The following GRTP1 variants were observed in gnomAD, a reference collection of about 807,000 sequenced individuals.
GRTP1 encodes growth hormone-regulated TBC protein 1.
Under a neutral mutation model 38.1 loss-of-function variants are expected in GRTP1, and 56 were observed. The ratio of observed to expected loss-of-function variants is 1.47; its 90% CI spans 1.19 to 1.84. The LOEUF (loss-of-function observed/expected upper bound fraction) is 1.84. Among genes scored for constraint, GRTP1 ranks in the 40% most tolerant of loss-of-function variants. The pLI is 0.00. For synonymous variants in GRTP1, 217 were observed against 189.5 expected (o/e 1.14, Z -1.19); for missense variants, 506 against 453.9 (o/e 1.11, Z -1.04).
intron 3 of GRTP1, among the ~76,000 whole-genome samples, chr13:113,353,262 G>C (rs959731942): frequency 5.3e-5 from 8 of 152,246 alleles, no homozygotes; most frequent in African/African-American, 1.9e-4. Context: ...CCACACTCTG[G>C]GTAGGAACCC....
chr13:113,350,540 A>G (rs2043244269), intron 4 of GRTP1, among the ~76,000 whole-genome samples: 1 of 147,946 alleles, frequency 6.8e-6, no homozygotes, highest in Non-Finnish European at 1.5e-5. Context: ...CACACACCCC[A>G]CAGCACACAC....
chr13:113,341,617 C>T (rs1487840918), intron 5 of GRTP1, among the ~76,000 whole-genome samples: 2 of 152,078 alleles, frequency 1.3e-5, no homozygotes, highest in African/African-American at 4.8e-5. Flanking sequence ...TATCAGTTTT[C>T]CCAAAGAACC....
chr13:113,350,933 C>T lies in GRTP1; in HGVS notation c.381G>A (p.Lys127=). The T allele has an allele frequency of 1.2e-6, 2 of 1,613,754 alleles. No homozygotes were observed. Among genetic ancestry groups the T allele is most frequent in the Non-Finnish European group, 1.7e-6 (2 of 1,179,680 alleles). ...TCCTCTGTAAGCAGGGGTCCGTGGT[C>T]TTCCGGAACTTCACGTTGTCGGGGA... ...RTFPDNVKFR[K]TTDPCLQRTL... Residue 127 remains lysine, a synonymous_variant, in exon 4 of 8, where the codon AAG becomes AAA. Transcript: ENST00000375431.
intron 5 of GRTP1, among the ~76,000 whole-genome samples, chr13:113,333,802 CTTTATTTATTTA>C (rs374558438): frequency 4.8e-5 from 6 of 124,900 alleles, no homozygotes; most frequent in African/African-American, 7.0e-5. Flanking sequence ...AGTGCCTGTA[CTTTATTTATTTA>C]TTTATTTATT....
intron 2 of GRTP1, among the ~76,000 whole-genome samples, chr13:113,358,305 G>A (rs2043433285): frequency 6.6e-6 from 1 of 152,174 alleles, no homozygotes; most frequent in Non-Finnish European, 1.5e-5. Flanking sequence ...AATACTGAAT[G>A]CTGCAAAAGC....
At chr13:113,331,132 A>G (rs2042864748) in intron 5 of GRTP1, among the ~76,000 whole-genome samples, 1 of 151,996 alleles carries the variant, frequency 6.6e-6, no homozygotes, top group South Asian at 2.1e-4. Flanking sequence ...ACGAAAGCCT[A>G]GGTGTGTGCA....
At chr13:113,352,328 A>G (rs1277689008) in intron 3 of GRTP1, among the ~76,000 whole-genome samples, 1 of 73,876 alleles carries the variant, frequency 1.4e-5, no homozygotes, top group Non-Finnish European at 2.5e-5. Context: ...ATATATTTTT[A>G]TATATATTTT....
At chr13:113,346,239 A>T (rs1566429668) in intron 4 of GRTP1, among the ~76,000 whole-genome samples, 1 of 134,930 alleles carries the variant, frequency 7.4e-6, no homozygotes, top group African/African-American at 2.9e-5. Flanking sequence ...CAGACCCGGG[A>T]GGACCTCTGT....
intron 5 of GRTP1, among the ~76,000 whole-genome samples, chr13:113,335,535 G>A (rs2042943581): frequency 6.6e-6 from 1 of 152,086 alleles, no homozygotes; most frequent in Non-Finnish European, 1.5e-5. Context: ...ACATGTTACT[G>A]TTACCTATAG....
At chr13:113,325,429 C>T in intron 7 of GRTP1, 2 of 1,443,644 alleles carry the variant, frequency 1.4e-6, no homozygotes, top group Non-Finnish European at 1.8e-6. Context: ...CCATTAGGAC[C>T]AGGAGCAGCG....
In GRTP1 at chr13:113,325,992, C is replaced by G. The variant is rs373647513; in HGVS notation, c.662G>C (p.Arg221Pro). The G allele has an allele frequency of 1.9e-6, 3 of 1,613,760 alleles. No individual in the cohort carries two copies. Among genetic ancestry groups the G allele is most frequent in the Non-Finnish European group, 1.7e-6 (2 of 1,179,964 alleles). The part of the protein sequence containing the change: ...KLPAVGALME[R>P]LGVLWTLLVS... ...CAGCAGCGTCCACAGCACACCGAGA[C>G]GCTCCATCAGGGCCCCCACAGCCGG... Residue 221 changes from arginine (R) to proline (P), a missense_variant, in exon 6 of 8, where the codon CGT becomes CCT. By Grantham distance (103) the Arg-to-Pro change is moderately radical (BLOSUM62 -2). Transcript: ENST00000375431.
chr13:113,333,190 A>G (rs1461312775), intron 5 of GRTP1, among the ~76,000 whole-genome samples: 1 of 152,214 alleles, frequency 6.6e-6, no homozygotes, highest in Non-Finnish European at 1.5e-5. Flanking sequence ...TGGCTTACCC[A>G]AGTGCTTGGA....
intron 2 of GRTP1, chr13:113,361,806 C>A (rs942702820): frequency 1.3e-5 from 2 of 152,184 alleles, no homozygotes; most frequent in African/African-American, 4.8e-5. Flanking sequence ...TTTAAGTTCA[C>A]ATGTCTTATA....
At chr13:113,331,337 GC>G (rs1437938552) in intron 5 of GRTP1, among the ~76,000 whole-genome samples, 1 of 152,202 alleles carries the variant, frequency 6.6e-6, no homozygotes, top group Non-Finnish European at 1.5e-5. Flanking sequence ...CTCAGGGGCG[GC>G]TGCTACCAGG....
intron 5 of GRTP1, among the ~76,000 whole-genome samples, chr13:113,337,596 T>A (rs892754185): frequency 6.6e-6 from 1 of 152,222 alleles, no homozygotes; most frequent in Non-Finnish European, 1.5e-5. Flanking sequence ...CGCAACCCTC[T>A]CACGGAATAA....
At position 113,363,858 on chromosome 13, in the gene GRTP1, C is replaced by T. The variant is rs1360422425; in HGVS notation, c.85G>A (p.Glu29Lys). 11 of 1,611,944 alleles carry T rather than the reference C, an allele frequency of 6.8e-6. No homozygotes were observed. The East Asian group carries it at 2.2e-4, about 33-fold the overall frequency. Residue 29 changes from glutamate to lysine, a missense_variant, in exon 2 of 8, where the codon GAG (glutamate) becomes AAG (lysine). Transcript: ENST00000375431. ...ACCAGGTAGCTGGAGAAAAACTTCT[C>T]GTAGGCGGCGTCGTCGAAGTCCTCA... ...RPEDFDDAAYEKFFSSYLVTL... is the reference protein window; with the variant it reads ...RPEDFDDAAYKKFFSSYLVTL...
intron 3 of GRTP1, among the ~76,000 whole-genome samples, chr13:113,354,420 G>C (rs1037711330): frequency 6.6e-6 from 1 of 152,090 alleles, no homozygotes; most frequent in Non-Finnish European, 1.5e-5. Context: ...TAAAGCCACT[G>C]GGTTTTTTAA....
chr13:113,344,485 G>A (rs558245532), intron 5 of GRTP1, among the ~76,000 whole-genome samples: 51 of 152,238 alleles, frequency 3.4e-4, no homozygotes, highest in Non-Finnish European at 4.9e-4. Flanking sequence ...AGGCCAAGGC[G>A]GGTGGATCAC....
At chr13:113,325,037 C>T in intron 7 of GRTP1, 1 of 812,924 alleles carries the variant, frequency 1.2e-6, no homozygotes. Flanking sequence ...ACCGTGTTGG[C>T]CAGGCTGGTC....
Sources: gnomAD v4.1 joint callset for allele counts (sites outside exome capture counted in the v4.1 genomes callset) on GRCh38, gnomAD v4.1.1 for gene constraint, MANE v1.5 for transcripts, NCBI Gene and HGNC (gene_info 2026-07-23, HGNC 2026-07-21) for gene names.